LINGO2: variants seen among roughly 807,000 people sequenced by gnomAD.
LINGO2 encodes leucine-rich repeat and immunoglobulin-like domain-containing nogo receptor-interacting protein 2.
In LINGO2, 14 loss-of-function variants were observed where a neutral mutation model predicts 30.6. That is an observed-to-expected ratio of 0.46 (90% CI 0.30 to 0.72). LINGO2 has a LOEUF of 0.72. Ranked by LOEUF, LINGO2 falls within the 30% of genes least tolerant of loss-of-function variation. LINGO2 has a pLI of 0.07. For synonymous variants in LINGO2, 317 were observed against 288.5 expected (o/e 1.10, Z -1.00); for missense variants, 729 against 751.7 (o/e 0.97, Z 0.35).
At chr9:28,109,537 T>C (rs915378739) in intron 4 of LINGO2, among the ~76,000 whole-genome samples, 3 of 152,166 alleles carry the variant, frequency 2.0e-5, no homozygotes, top group Admixed American at 1.3e-4. Flanking sequence ...GATAAGCAAC[T>C]TCAGCAAAGT....
At chr9:28,881,506 C>T in the LINGO2 span, among the ~76,000 whole-genome samples, 13,188 of 151,544 alleles carry the variant, frequency 0.087, 634 homozygotes, top group African/African-American at 0.13. Context: ...TTCAAAAATA[C>T]AGAAAAATAC....
intron 5 of LINGO2, among the ~76,000 whole-genome samples, chr9:27,967,064 G>A (rs1279097790): frequency 6.6e-6 from 1 of 152,174 alleles, no homozygotes; most frequent in Non-Finnish European, 1.5e-5. Context: ...ATTAGTTGGT[G>A]CTGAATGCAC....
intron 4 of LINGO2, among the ~76,000 whole-genome samples, chr9:28,088,896 AAAGG>A (rs1194682957): frequency 6.6e-6 from 1 of 152,170 alleles, no homozygotes; most frequent in Non-Finnish European, 1.5e-5. Flanking sequence ...GAAAACAAAA[AAAGG>A]AAGGGGTTCC....
chr9:28,950,919 T>G, the LINGO2 span, among the ~76,000 whole-genome samples: 2 of 152,204 alleles, frequency 1.3e-5, no homozygotes, highest in Non-Finnish European at 2.9e-5. Context: ...ACCAAAAAAG[T>G]GCTCATATAG....
the LINGO2 span, among the ~76,000 whole-genome samples, chr9:29,064,321 A>G: frequency 1.3e-5 from 2 of 152,102 alleles, no homozygotes; most frequent in Non-Finnish European, 1.5e-5. Context: ...ACACATTTGT[A>G]GTTTTAAATG....
chr9:28,175,155 C>A (rs1165438904), intron 4 of LINGO2, among the ~76,000 whole-genome samples: 1 of 152,060 alleles, frequency 6.6e-6, no homozygotes, highest in Non-Finnish European at 1.5e-5. Flanking sequence ...GCCAAGAAAG[C>A]AAAGTTGTGG....
the LINGO2 span, among the ~76,000 whole-genome samples, chr9:28,970,409 C>A: frequency 6.6e-6 from 1 of 152,088 alleles, no homozygotes; most frequent in Non-Finnish European, 1.5e-5. Flanking sequence ...AGAAAAGCAC[C>A]TTCATCAGAA....
At chr9:29,192,715 G>A in the LINGO2 span, among the ~76,000 whole-genome samples, 4 of 152,108 alleles carry the variant, frequency 2.6e-5, no homozygotes, top group African/African-American at 9.7e-5. Flanking sequence ...TACTTTGTTT[G>A]ATTTTCTGTA....
chr9:28,586,650 T>G (rs985209419), intron 1 of LINGO2, among the ~76,000 whole-genome samples: 2 of 152,020 alleles, frequency 1.3e-5, no homozygotes. Context: ...AGCCAAGTGC[T>G]GCTCTGTCTG....
intron 3 of LINGO2, among the ~76,000 whole-genome samples, chr9:28,360,282 G>A (rs1256091586): frequency 6.6e-6 from 1 of 152,130 alleles, no homozygotes; most frequent in Non-Finnish European, 1.5e-5. Flanking sequence ...GCCAGAGAAA[G>A]GACTCCATCT....
chr9:28,602,404 G>C (rs80055401), intron 1 of LINGO2, among the ~76,000 whole-genome samples: 23 of 152,080 alleles, frequency 1.5e-4, no homozygotes, highest in Non-Finnish European at 3.2e-4. Flanking sequence ...CAAGGACCAT[G>C]AGTGGATAGA....
chr9:28,808,065 A>G, the LINGO2 span, among the ~76,000 whole-genome samples: 1 of 152,228 alleles, frequency 6.6e-6, no homozygotes, highest in African/African-American at 2.4e-5. Context: ...AAACAGTGAT[A>G]TTGAAAACAC....
intron 1 of LINGO2, among the ~76,000 whole-genome samples, chr9:28,528,629 G>A (rs1821116074): frequency 6.6e-6 from 1 of 152,108 alleles, no homozygotes; most frequent in Non-Finnish European, 1.5e-5. Context: ...AGGTACATGA[G>A]TTGTACTACA....
chr9:28,654,483 G>C (rs1441193986), intron 1 of LINGO2, among the ~76,000 whole-genome samples: 1 of 129,536 alleles, frequency 7.7e-6, no homozygotes, highest in Non-Finnish European at 1.6e-5. Flanking sequence ...GAATTGGATT[G>C]ATTGAGTATC....
chr9:29,112,054 C>T, the LINGO2 span, among the ~76,000 whole-genome samples: 5 of 151,272 alleles, frequency 3.3e-5, no homozygotes, highest in Admixed American at 3.3e-4. Flanking sequence ...ATAATGTGTA[C>T]ATATGATATA....
At chr9:28,151,531 A>G (rs991130525) in intron 4 of LINGO2, among the ~76,000 whole-genome samples, 1 of 151,892 alleles carries the variant, frequency 6.6e-6, no homozygotes, top group Non-Finnish European at 1.5e-5. Flanking sequence ...GATCAACTTA[A>G]GATTATCTTT....
intron 2 of LINGO2, among the ~76,000 whole-genome samples, chr9:28,376,750 C>T (rs1334287404): frequency 1.3e-5 from 2 of 152,084 alleles, no homozygotes; most frequent in Non-Finnish European, 2.9e-5. Context: ...GTTTGTTTCA[C>T]CAGAAAATTT....
chr9:28,051,418 C>T (rs1824666486), intron 4 of LINGO2, among the ~76,000 whole-genome samples: 1 of 152,094 alleles, frequency 6.6e-6, no homozygotes, highest in Admixed American at 6.6e-5. Context: ...GGAAACAATT[C>T]TAACAACTTT....
chr9:28,976,922 T>C, the LINGO2 span, among the ~76,000 whole-genome samples: 1 of 152,122 alleles, frequency 6.6e-6, no homozygotes, highest in Admixed American at 6.6e-5. Context: ...GAATTAGTCA[T>C]ACAATGTGGC....
Sources: gnomAD v4.1 joint callset for allele counts (sites outside exome capture counted in the v4.1 genomes callset) on GRCh38, gnomAD v4.1.1 for gene constraint, MANE v1.5 for transcripts, NCBI Gene and HGNC (gene_info 2026-07-23, HGNC 2026-07-21) for gene names.